The following MAT2B variants were observed in gnomAD, a reference collection of about 807,000 sequenced individuals.
MAT2B encodes the protein methionine adenosyltransferase 2 non-catalytic beta subunit.
In MAT2B, 16 loss-of-function variants were observed where a neutral mutation model predicts 36.1. The observed-to-expected ratio is 0.44, with a 90% CI of 0.30 to 0.67. The LOEUF is 0.67. Among genes scored for constraint, MAT2B ranks in the 30% least tolerant of loss-of-function variants. The probability of loss-of-function intolerance (pLI) is 0.09; values close to 1 mark genes in which losing one functional copy is unlikely to be tolerated. For synonymous variants in MAT2B, 148 were observed against 136.9 expected (o/e 1.08, Z -0.57); for missense variants, 332 against 398.2 (o/e 0.83, Z 1.42).
At position 163,518,279 on chromosome 5, in the gene MAT2B, A is replaced by G. The variant is rs1205733122; in HGVS notation, c.921A>G (p.Gln307=). The change falls in exon 7 of 7, where the codon CAA becomes CAG. Residue 307 remains glutamine (Q), a synonymous_variant. Transcript: ENST00000321757. ...CSKLETLGIG[Q]RTPFRIGIKE... ...AATTGGAGACCTTGGGCATTGGCCAACGAACACCATTTCGAATTGGAATCA... is the reference window on the plus strand; with the variant it reads ...AATTGGAGACCTTGGGCATTGGCCAGCGAACACCATTTCGAATTGGAATCA... The G allele has an allele frequency of 6.2e-7, 1 of 1,614,056 alleles. No individual in the cohort carries two copies. The highest frequency in any genetic ancestry group is 8.5e-7 in the Non-Finnish European group (1 of 1,179,948).
intron 1 of MAT2B, among the ~76,000 whole-genome samples, chr5:163,506,588 G>T (rs1208959022): frequency 6.6e-6 from 1 of 152,170 alleles, no homozygotes. Flanking sequence ...GGAGATGGCT[G>T]TTTCTGTTAT....
chr5:163,509,450 T>C (rs1008653367), intron 1 of MAT2B, among the ~76,000 whole-genome samples: 3 of 152,220 alleles, frequency 2.0e-5, no homozygotes, highest in African/African-American at 4.8e-5. Context: ...CAAATCACGA[T>C]GATCAGCATC....
chr5:163,509,809 G>C (rs770811418), intron 1 of MAT2B, among the ~76,000 whole-genome samples: 4 of 152,016 alleles, frequency 2.6e-5, no homozygotes, highest in Non-Finnish European at 4.4e-5. Flanking sequence ...ATATTTTGTT[G>C]GCTGAAATCC....
Position 163,518,848 on chromosome 5 carries a change from G to A in MAT2B, c.*485G>A, listed in dbSNP as rs896012921. ...AAGGAACTTTATTTTTGCAAGTTAC[G>A]TACAGTTTTTATGCTTGAGATATTT... On this transcript the variant is annotated 3_prime_UTR_variant, in exon 7 of 7. Coordinates refer to ENST00000321757, the MANE Select transcript of MAT2B (RefSeq NM_013283.5). 1.3e-5 allele frequency: 2 copies of A among 152,618 alleles called. No homozygotes were observed. Among genetic ancestry groups the A allele is most frequent in the African/African-American group, 2.4e-5 (1 of 41,420 alleles). The allele number at this position is 152,618 out of a possible 1,614,324, so 9.5% of individuals were successfully genotyped here.
At chr5:163,506,803 AAAG>A (rs67375711) in intron 1 of MAT2B, among the ~76,000 whole-genome samples, 92,025 of 151,820 alleles carry the variant, frequency 0.61, 30,410 homozygotes, top group East Asian at 0.88. Flanking sequence ...ACTTTCACAA[AAAG>A]AAGTTCAGTA....
chr5:163,512,072 A>G lies in MAT2B; in HGVS notation c.134A>G (p.His45Arg). The G allele has an allele frequency of 6.2e-7, 1 of 1,614,214 alleles. No individual in the cohort carries two copies. Residue 45 changes from histidine (H) to arginine (R), a missense_variant, in exon 2 of 7, where the codon CAC becomes CGC. His to Arg is a conservative substitution (Grantham distance 29, BLOSUM62 0). Transcript: ENST00000321757. ...GATGLLGRAV[H>R]KEFQQNNWHA... Reference sequence around the variant, plus strand: ...ACTGGGCTTCTTGGCAGAGCTGTACACAAAGAATTTCAGCAGAATAATTGG... The same window carrying G: ...ACTGGGCTTCTTGGCAGAGCTGTACGCAAAGAATTTCAGCAGAATAATTGG...
chr5:163,514,054 A>G lies in MAT2B; in HGVS notation c.526+60A>G, dbSNP rs957260981. On this transcript the variant is annotated intron_variant, in intron 4 of 6. Transcript: ENST00000321757. ...TGAAGACTTTAAAAATCATTTATAC[A>G]TACACATATATATGTTTTAAATTTA... 1.3e-5 allele frequency: 18 copies of G among 1,342,110 alleles called. No homozygotes were observed. The African/African-American group carries it at 1.6e-4, about 12-fold the overall frequency. The allele number at this position is 1,342,110 out of a possible 1,614,324, so 83.1% of individuals were successfully genotyped here.
At chr5:163,505,481 G>C, upstream of MAT2B, 2 of 1,225,352 alleles carry the variant, frequency 1.6e-6, no homozygotes, top group Non-Finnish European at 2.0e-6. Context: ...GCTGGGGGCA[G>C]ACCGCGCGTA....
At chr5:163,511,971 G>A (rs370527454) in intron 1 of MAT2B, 31 bp from the exon 2 acceptor site, 65 of 1,533,940 alleles carry the variant, frequency 4.2e-5, no homozygotes, top group Non-Finnish European at 5.4e-5. Flanking sequence ...TTCAAAGTTA[G>A]TAACTCTTTC....
chr5:163,504,317 T>C (rs1035818030), upstream of MAT2B, among the ~76,000 whole-genome samples: 1 of 85,676 alleles, frequency 1.2e-5, no homozygotes, highest in Non-Finnish European at 2.4e-5. Flanking sequence ...TGAACAGTAA[T>C]AGCCTGTGTT....
chr5:163,516,386 G>A, intron 4 of MAT2B, 132 bp from the exon 5 acceptor site: 2 of 694,954 alleles, frequency 2.9e-6, no homozygotes, highest in East Asian at 2.7e-5. Flanking sequence ...CAAGTGAGCT[G>A]TGTCATTTTG....
chr5:163,504,398 G>A (rs988857693), upstream of MAT2B, among the ~76,000 whole-genome samples: 4 of 152,114 alleles, frequency 2.6e-5, no homozygotes, highest in African/African-American at 9.7e-5. Context: ...GAAACTTTAT[G>A]TTTACACGAA....
chr5:163,517,263 T>C (rs1402051833), intron 5 of MAT2B: 8 of 212,586 alleles, frequency 3.8e-5, no homozygotes, highest in Admixed American at 3.6e-4. Flanking sequence ...CTCATTAAAT[T>C]GTACTGTTTT....
At position 163,518,600 on chromosome 5, in the gene MAT2B, G is replaced by C. The variant is rs998062894; in HGVS notation, c.*237G>C. ...TTTGTCCTGGCTAAACTTGGAGTTTGAGTATAGTAAATTATGATCCTTAAA... is the reference window on the plus strand; with the variant it reads ...TTTGTCCTGGCTAAACTTGGAGTTTCAGTATAGTAAATTATGATCCTTAAA... On this transcript the variant is annotated 3_prime_UTR_variant, in exon 7 of 7. Coordinates refer to ENST00000321757, the MANE Select transcript of MAT2B (RefSeq NM_013283.5). 1.5e-5 allele frequency: 5 copies of C among 326,210 alleles called. No individual in the cohort carries two copies. In the East Asian group the frequency reaches 2.1e-4, roughly 14 times the overall value. 20.2% of individuals were successfully genotyped at this position (326,210 alleles called of 1,614,324 possible).
upstream of MAT2B, among the ~76,000 whole-genome samples, chr5:163,504,624 G>T (rs573092048): frequency 2.0e-5 from 3 of 152,340 alleles, no homozygotes; most frequent in South Asian, 6.2e-4. Context: ...CCCTTGGACT[G>T]TTCGGTGCAA....
intron 3 of MAT2B, 31 bp downstream of exon 3, chr5:163,513,700 A>C (rs752246412): frequency 1.3e-6 from 2 of 1,564,662 alleles, no homozygotes; most frequent in Non-Finnish European, 1.8e-6. Context: ...TTTTCATAAA[A>C]TATTAAGTGA....
At chr5:163,516,430 T>C (rs1223313669) in intron 4 of MAT2B, 88 bp from the exon 5 acceptor site, 1 of 1,038,024 alleles carries the variant, frequency 9.6e-7, no homozygotes, top group Non-Finnish European at 1.4e-6. Flanking sequence ...GTTTCTACTT[T>C]GATATTATTT....
intron 5 of MAT2B, 49 bp from the exon 6 acceptor site, chr5:163,517,512 T>G: frequency 1.8e-6 from 2 of 1,141,502 alleles, no homozygotes; most frequent in South Asian, 1.2e-5. Context: ...CCTATTCTAC[T>G]CAGCTCAAAA....
upstream of MAT2B, among the ~76,000 whole-genome samples, chr5:163,504,776 T>TA (rs1759899852): frequency 6.6e-6 from 1 of 152,138 alleles, no homozygotes; most frequent in Non-Finnish European, 1.5e-5. Context: ...GCTTAACTTT[T>TA]AAAAGGTGGT....
Sources: allele counts gnomAD v4.1 joint callset (sites outside exome capture counted in the v4.1 genomes callset), GRCh38; gene constraint gnomAD v4.1.1; transcripts MANE v1.5; gene names NCBI Gene and HGNC (gene_info 2026-07-23, HGNC 2026-07-21).